ZNF804B: variants seen among roughly 807,000 people sequenced by gnomAD.
ZNF804B encodes the protein zinc finger 804B.
A neutral mutation model predicts 101.4 loss-of-function variants in ZNF804B; 80 were observed. The observed-to-expected ratio is 0.79, with a 90% CI of 0.66 to 0.95. ZNF804B has a LOEUF of 0.95. Among genes scored for constraint, ZNF804B ranks in the 40% least tolerant of loss-of-function variants. ZNF804B has a pLI of 0.00. For synonymous variants in ZNF804B, 622 were observed against 558.8 expected, an observed-to-expected ratio of 1.11 and a Z score of -1.59; for missense variants, 1,673 against 1,561.9, an observed-to-expected ratio of 1.07 and a Z score of -1.20.
chr7:89,155,382 A>G (rs1790943023), intron 1 of ZNF804B, among the ~76,000 whole-genome samples: 2 of 152,050 alleles, frequency 1.3e-5, no homozygotes, highest in South Asian at 2.1e-4. Flanking sequence ...CATCCATAAT[A>G]TCTCATCTTT....
chr7:88,874,382 G>A (rs1461501919), intron 1 of ZNF804B, among the ~76,000 whole-genome samples: 5 of 151,234 alleles, frequency 3.3e-5, no homozygotes, highest in Non-Finnish European at 5.9e-5. Context: ...TGAGACAATG[G>A]GGTTTTCTAG....
intron 1 of ZNF804B, among the ~76,000 whole-genome samples, chr7:88,916,988 G>T (rs1330452852): frequency 1.3e-5 from 2 of 152,178 alleles, no homozygotes; most frequent in East Asian, 1.9e-4. Context: ...TATTGGGCTG[G>T]GTGCGGTGGC....
chr7:89,218,171 A>G lies in ZNF804B; in HGVS notation c.125A>G (p.Lys42Arg), dbSNP rs1403485189. Residue 42 changes from lysine (K) to arginine (R), a missense_variant, in exon 2 of 4, where the codon AAG becomes AGG. Lys to Arg is a conservative substitution (Grantham distance 26). Transcript: ENST00000333190. ...TTCTTAAAGGATTTTGCAGAAAAGA[A>G]GTCCACAGCAAAGGCCCTGGAAGAT... ...GSPSPDFAEK[K>R]STAKALEDVK... 1 of 1,612,184 alleles carries G rather than the reference A, an allele frequency of 6.2e-7. No homozygotes were observed. Among genetic ancestry groups the G allele is most frequent in the Non-Finnish European group, 8.5e-7 (1 of 1,179,450 alleles).
intron 1 of ZNF804B, among the ~76,000 whole-genome samples, chr7:89,115,196 G>A (rs559606579): frequency 2.6e-5 from 4 of 152,194 alleles, no homozygotes; most frequent in African/African-American, 7.2e-5. Context: ...CAAGATTCCC[G>A]AATGAAAGAG....
intron 1 of ZNF804B, among the ~76,000 whole-genome samples, chr7:88,904,179 G>T (rs899685389): frequency 2.6e-5 from 4 of 152,232 alleles, no homozygotes; most frequent in African/African-American, 9.6e-5. Flanking sequence ...TGGCTAGTCA[G>T]GTATCCCAAC....
intron 1 of ZNF804B, among the ~76,000 whole-genome samples, chr7:88,885,259 C>G (rs1167500010): frequency 6.6e-6 from 1 of 151,632 alleles, no homozygotes; most frequent in African/African-American, 2.4e-5. Flanking sequence ...TAAAAATGTC[C>G]TTTGTTTTTC....
intron 1 of ZNF804B, among the ~76,000 whole-genome samples, chr7:88,853,072 T>A (rs1396984132): frequency 3.3e-5 from 5 of 152,116 alleles, no homozygotes. Flanking sequence ...TAAGGAGGAA[T>A]GAAAGGCAAC....
chr7:88,845,859 T>G (rs2115816839), intron 1 of ZNF804B, among the ~76,000 whole-genome samples: 1 of 152,280 alleles, frequency 6.6e-6, no homozygotes, highest in Non-Finnish European at 1.5e-5. Context: ...TCCCTGTTAG[T>G]CAGTTCTTAG....
chr7:88,820,656 T>A (rs931021894), intron 1 of ZNF804B, among the ~76,000 whole-genome samples: 2 of 152,270 alleles, frequency 1.3e-5, no homozygotes, highest in South Asian at 4.2e-4. Flanking sequence ...TGGCTGCCTG[T>A]GGGAAACTCT....
chr7:88,917,259 T>C (rs1340306173), intron 1 of ZNF804B, among the ~76,000 whole-genome samples: 1 of 151,960 alleles, frequency 6.6e-6, no homozygotes, highest in African/African-American at 2.4e-5. Flanking sequence ...GATAAGACTC[T>C]GTCTCAAAAA....
intron 1 of ZNF804B, among the ~76,000 whole-genome samples, chr7:88,877,042 T>TA (rs1791959974): frequency 2.0e-5 from 1 of 50,098 alleles, no homozygotes; most frequent in African/African-American, 1.0e-4. Context: ...TATATATATA[T>TA]ATATATATTT....
chr7:88,921,678 G>A (rs1274031964), intron 1 of ZNF804B, among the ~76,000 whole-genome samples: 2 of 152,014 alleles, frequency 1.3e-5, no homozygotes, highest in East Asian at 3.9e-4. Flanking sequence ...ACTAGAGGGT[G>A]AGACTAGGTT....
chr7:88,850,917 A>T (rs1241049019), intron 1 of ZNF804B, among the ~76,000 whole-genome samples: 3 of 152,128 alleles, frequency 2.0e-5, no homozygotes, highest in African/African-American at 7.2e-5. Context: ...GCCAGAGGAA[A>T]GGTTGAACAT....
At chr7:89,095,418 A>T (rs1268841719) in intron 1 of ZNF804B, among the ~76,000 whole-genome samples, 1 of 152,214 alleles carries the variant, frequency 6.6e-6, no homozygotes, top group East Asian at 1.9e-4. Flanking sequence ...GTTGTAGTAC[A>T]CAAACTAAGA....
intron 1 of ZNF804B, among the ~76,000 whole-genome samples, chr7:89,007,321 A>AGTTTATGT (rs1485406992): frequency 6.6e-6 from 1 of 150,778 alleles, no homozygotes; most frequent in Non-Finnish European, 1.5e-5. Flanking sequence ...TCGTTAAGCT[A>AGTTTATGT]GTTTATGTTT....
chr7:88,989,432 T>C (rs1793811479), intron 1 of ZNF804B, among the ~76,000 whole-genome samples: 1 of 152,152 alleles, frequency 6.6e-6, no homozygotes, highest in African/African-American at 2.4e-5. Flanking sequence ...TCATAGTGCT[T>C]GTCCAACAGA....
intron 2 of ZNF804B, among the ~76,000 whole-genome samples, chr7:89,234,862 C>T (rs1053778309): frequency 6.6e-6 from 1 of 152,134 alleles, no homozygotes; most frequent in African/African-American, 2.4e-5. Context: ...CAGACTAGGA[C>T]TGATCCATGC....
chr7:89,084,385 G>A (rs778414460), intron 1 of ZNF804B, among the ~76,000 whole-genome samples: 2 of 151,932 alleles, frequency 1.3e-5, no homozygotes, highest in South Asian at 4.1e-4. Flanking sequence ...ATGGTACAGT[G>A]TAAACCATAC....
intron 1 of ZNF804B, among the ~76,000 whole-genome samples, chr7:89,135,246 T>C (rs964594370): frequency 1.3e-5 from 2 of 152,150 alleles, no homozygotes; most frequent in African/African-American, 4.8e-5. Context: ...CATTCTCTTA[T>C]GGCTGCTTTA....
Sources: gnomAD v4.1 joint callset for allele counts (sites outside exome capture counted in the v4.1 genomes callset) on GRCh38, gnomAD v4.1.1 for gene constraint, MANE v1.5 for transcripts, NCBI Gene and HGNC (gene_info 2026-07-23, HGNC 2026-07-21) for gene names.